The following KHNYN variants were observed in gnomAD, a reference collection of about 807,000 sequenced individuals.
The protein encoded by KHNYN is KH and NYN domain containing.
Under a neutral mutation model 62.7 loss-of-function variants are expected in KHNYN, and 42 were observed. The observed-to-expected ratio is 0.67, with a 90% CI of 0.52 to 0.87. The LOEUF (loss-of-function observed/expected upper bound fraction) is 0.87. Among genes scored for constraint, KHNYN ranks in the 40% least tolerant of loss-of-function variants. The pLI, the probability that KHNYN is intolerant of heterozygous loss-of-function variation, is 0.00. For missense variants in KHNYN, 829 were observed against 874.1 expected, an observed-to-expected ratio of 0.95 and a Z score of 0.65; for synonymous variants, 347 against 345.6, an observed-to-expected ratio of 1.00 and a Z score of -0.04.
rs2043227809 is a variant in KHNYN, at chr14:24,437,646, GC to G, written c.*362del. Reference sequence around the variant, plus strand: ...TGGGCAGGAAGTGACAGGAAGTTAAGCTGTTCCTCTCCCTGGCTGCTGCTCT... The same window carrying G: ...TGGGCAGGAAGTGACAGGAAGTTAAGTGTTCCTCTCCCTGGCTGCTGCTCT... On this transcript the variant is annotated 3_prime_UTR_variant, in exon 8 of 8. Coordinates refer to ENST00000553935, the MANE Select transcript of KHNYN (RefSeq NM_015299.3). This position sits in a 1 kb window ranked among gnomAD's most constrained non-coding sequence, Gnocchi z 5.5. 8 of 197,248 alleles carry G rather than the reference GC, an allele frequency of 4.1e-5. No individual in the cohort carries two copies. The South Asian group carries it at 7.5e-4, about 18-fold the overall frequency. 12.2% of individuals were successfully genotyped at this position (197,248 alleles called of 1,614,324 possible).
chr14:24,430,112 C>A lies in KHNYN; in HGVS notation c.-25C>A, dbSNP rs2043076233. 1.0e-6 allele frequency: 1 copy of A among 985,120 alleles called. No homozygotes were observed. The highest frequency in any genetic ancestry group is 1.2e-6 in the Non-Finnish European group (1 of 830,108). 61.0% of individuals were successfully genotyped at this position (985,120 alleles called of 1,614,324 possible). ...GAGGACCTGAAGCCGGCGCGGGCGGCGGAGGCGGTAGGCGCGCCCCTCCAC... is the reference window on the plus strand; with the variant it reads ...GAGGACCTGAAGCCGGCGCGGGCGGAGGAGGCGGTAGGCGCGCCCCTCCAC... On this transcript the variant is annotated 5_prime_UTR_variant, in exon 1 of 8. Transcript: ENST00000553935.
intron 5 of KHNYN, chr14:24,434,522 A>G: frequency 4.2e-6 from 1 of 240,388 alleles, no homozygotes; most frequent in South Asian, 1.5e-4. Flanking sequence ...CCCTTACCTC[A>G]GCCTCCCGAG....
At chr14:24,434,060 G>C (rs542917624) in intron 5 of KHNYN, 2 of 764,024 alleles carry the variant, frequency 2.6e-6, no homozygotes, top group African/African-American at 3.8e-5. Context: ...CTACAAAAAA[G>C]CAGTTTACGT....
intron 5 of KHNYN, chr14:24,434,484 A>G (rs1388255736): frequency 1.4e-5 from 7 of 492,248 alleles, no homozygotes; most frequent in Non-Finnish European, 1.8e-5. Context: ...GGCTCACTGC[A>G]ACCTCTGCCT....
At chr14:24,434,725 C>T (rs1478500978) in intron 5 of KHNYN, among the ~76,000 whole-genome samples, 1 of 152,164 alleles carries the variant, frequency 6.6e-6, no homozygotes, top group Non-Finnish European at 1.5e-5. Flanking sequence ...ATGTCATTCC[C>T]TTAATTTGTT....
upstream of KHNYN, chr14:24,429,945 T>C: frequency 1.0e-6 from 1 of 995,642 alleles, no homozygotes; most frequent in Non-Finnish European, 1.2e-6. Flanking sequence ...AGGAAGTGAC[T>C]CAAGAAACAG....
At chr14:24,428,102 G>A, upstream of KHNYN, 10 of 1,345,840 alleles carry the variant, frequency 7.4e-6, no homozygotes, top group Non-Finnish European at 9.2e-6. Context: ...CGGGAGGGCT[G>A]AGGGGCGGCC....
upstream of KHNYN, chr14:24,429,422 CG>C: frequency 1.9e-6 from 1 of 539,298 alleles, no homozygotes; most frequent in South Asian, 1.5e-5. Flanking sequence ...GTGTGTGTGA[CG>C]GGTGTGACAG....
chr14:24,437,659 C>T lies in KHNYN; in HGVS notation c.*374C>T, dbSNP rs758137017. ...ACAGGAAGTTAAGCTGTTCCTCTCC[C>T]TGGCTGCTGCTCTGGATGGCCAGAG... On this transcript the variant is annotated 3_prime_UTR_variant, in exon 8 of 8. Transcript: ENST00000553935. The surrounding 1 kb of genome is among the most constrained non-coding windows in gnomAD (Gnocchi z 5.5). The T allele has an allele frequency of 4.2e-4, 79 of 187,414 alleles. 1 individual carries two copies. The highest frequency in any genetic ancestry group is 8.8e-4 in the Admixed American group (15 of 17,052). The allele number at this position is 187,414 out of a possible 1,614,324, so 11.6% of individuals were successfully genotyped here. A position where few individuals can be genotyped will look rare whatever the true frequency, so the allele number is the denominator to read the frequency against.
upstream of KHNYN, chr14:24,428,361 G>A (rs781225633): frequency 1.1e-5 from 17 of 1,613,828 alleles, no homozygotes; most frequent in Admixed American, 2.8e-4. Flanking sequence ...GGGCTACGAA[G>A]GAGCCAGAGG....
At chr14:24,436,227 T>A (rs183482408) in intron 6 of KHNYN, 48 bp downstream of exon 6, 1 of 1,548,102 alleles carries the variant, frequency 6.5e-7, no homozygotes, top group Admixed American at 1.7e-5. Flanking sequence ...CAGATGTTTT[T>A]CTAAAGCCAG....
chr14:24,440,263 A>G lies in KHNYN; in HGVS notation c.*2978A>G, dbSNP rs368937577. 6.2e-7 allele frequency: 1 copy of G among 1,613,964 alleles called. No individual in the cohort carries two copies. The highest frequency in any genetic ancestry group is 1.3e-5 in the African/African-American group (1 of 75,058). ...GGATGAAGGCTCGGCGGCCCAGGGCAGCACCCAAGGTCTGGGCAAACTCAG... is the reference window on the plus strand; with the variant it reads ...GGATGAAGGCTCGGCGGCCCAGGGCGGCACCCAAGGTCTGGGCAAACTCAG... On this transcript the variant is annotated 3_prime_UTR_variant, in exon 8 of 8. Transcript: ENST00000553935.
chr14:24,428,694 A>G, upstream of KHNYN: 1 of 1,501,866 alleles, frequency 6.7e-7, no homozygotes, highest in Non-Finnish European at 9.0e-7. Flanking sequence ...GGGCTTGGAC[A>G]GTTGCTTCCA....
chr14:24,431,484 A>C lies in KHNYN; in HGVS notation c.223A>C (p.Ser75Arg), dbSNP rs771757224. The change falls in exon 3 of 8, where the codon AGC becomes CGC. Residue 75 changes from serine (S) to arginine (R), a missense_variant. This residue lies in a region of KHNYN where 559 missense variants were observed against 527.0 expected (regional missense o/e 1.06). Transcript: ENST00000553935. ...RAKEYLKGLCSPELQDEIHYP... is the reference protein window; with the variant it reads ...RAKEYLKGLCRPELQDEIHYP... ...CCAGGAGTACCTGAAGGGCCTCTGCAGCCCAGAACTGCAGGATGAAATCCA... is the reference window on the plus strand; with the variant it reads ...CCAGGAGTACCTGAAGGGCCTCTGCCGCCCAGAACTGCAGGATGAAATCCA... 19 of 1,581,048 alleles carry C rather than the reference A, an allele frequency of 1.2e-5. No individual in the cohort carries two copies. The African/African-American group carries it at 1.3e-4, about 11-fold the overall frequency.
rs1257842426 is a variant in KHNYN, at chr14:24,438,834, AG to A, written c.*1550del. The stretch of plus-strand genomic sequence containing the variant: ...TTCTGTTCTGTGTGGGCCTGTGGGG[AG>A]TCTCTAGACAAGATCTTTTCCAGGC... On this transcript the variant is annotated 3_prime_UTR_variant, in exon 8 of 8. Coordinates refer to ENST00000553935, the MANE Select transcript of KHNYN (RefSeq NM_015299.3). The A allele has an allele frequency of 6.6e-6, 1 of 152,182 alleles. No homozygotes were observed. Among genetic ancestry groups the A allele is most frequent in the African/African-American group, 2.4e-5 (1 of 41,448 alleles). The allele number at this position is 152,182 out of a possible 1,614,324, so 9.4% of individuals were successfully genotyped here.
At chr14:24,435,979 A>T in intron 5 of KHNYN, 93 bp from the exon 6 acceptor site, 2 of 927,568 alleles carry the variant, frequency 2.2e-6, no homozygotes, top group Non-Finnish European at 3.6e-6. Context: ...GGTGAAGTCT[A>T]GGCTTTTAAT....
rs748051694 is a variant in KHNYN at position 24,430,940 on chromosome 14, C to T, written c.201+9C>T. Reference sequence around the variant, plus strand: ...ACGCCAGCAGAGCCAAGGTGAACGCCTTCTCTCCCCCATCCCTCCAGGCAC... The same window carrying T: ...ACGCCAGCAGAGCCAAGGTGAACGCTTTCTCTCCCCCATCCCTCCAGGCAC... On this transcript the variant is annotated intron_variant, in intron 2 of 7. Coordinates refer to ENST00000553935, the MANE Select transcript of KHNYN (RefSeq NM_015299.3). 4 of 1,607,542 alleles carry T rather than the reference C, an allele frequency of 2.5e-6. No homozygotes were observed. The highest frequency in any genetic ancestry group is 2.7e-5 in the African/African-American group (2 of 74,800).
rs2043125966 is a variant in KHNYN at position 24,432,010 on chromosome 14, G to T, written c.749G>T (p.Gly250Val). The T allele has an allele frequency of 6.2e-7, 1 of 1,610,912 alleles. No individual in the cohort carries two copies. The highest frequency in any genetic ancestry group is 1.1e-5 in the South Asian group (1 of 90,740). The change falls in exon 3 of 8, where the codon GGA (glycine) becomes GTA (valine). Residue 250 changes from glycine to valine, a missense_variant. Gly to Val is a moderately radical substitution (Grantham distance 109). Transcript: ENST00000553935. The surrounding 1 kb of genome is among the most constrained non-coding windows in gnomAD (Gnocchi z 5.6). ...CCCGGAGATTGCAGGGGAGCAAGGG[G>T]AGACACTTACGCTGTGGAGAAGGAG... Reference protein sequence around the residue: ...MGPGDCRGARGDTYAVEKEGG... With the variant: ...MGPGDCRGARVDTYAVEKEGG...
At chr14:24,423,956 C>T in the KHNYN span, among the ~76,000 whole-genome samples, 4 of 152,166 alleles carry the variant, frequency 2.6e-5, no homozygotes, top group East Asian at 5.8e-4. Context: ...TATTTGAACA[C>T]GATTTCTATA....
Sources: gnomAD v4.1 joint callset for allele counts (sites outside exome capture counted in the v4.1 genomes callset) on GRCh38, gnomAD v4.1.1 for gene constraint, gnomAD v4.1.1 regional missense constraint, Gnocchi (gnomAD v3.1) non-coding constraint, MANE v1.5 for transcripts, NCBI Gene and HGNC (gene_info 2026-07-23, HGNC 2026-07-21) for gene names.